The following NRG1 variants were observed in gnomAD, a reference collection of about 807,000 sequenced individuals.
The protein encoded by NRG1 is neuregulin 1, also known as pro-neuregulin-1, membrane-bound isoform.
A neutral mutation model predicts 63.8 loss-of-function variants in NRG1; 18 were observed. The ratio of observed to expected loss-of-function variants is 0.28; its 90% CI spans 0.19 to 0.42. The LOEUF (loss-of-function observed/expected upper bound fraction) is 0.42, where lower values mean the gene tolerates loss of function less well. Ranked by LOEUF, NRG1 falls within the 10% of genes least tolerant of loss-of-function variation. NRG1 has a pLI of 1.00. For synonymous variants in NRG1, 302 were observed against 301.3 expected, an observed-to-expected ratio of 1.00 and a Z score of -0.02; for missense variants, 762 against 814.7, an observed-to-expected ratio of 0.94 and a Z score of 0.79.
intron 7 of NRG1, among the ~76,000 whole-genome samples, chr8:32,748,358 C>CACACACAGAGAGAGAGAGAGAGAGAG (rs748763782): frequency 8.2e-6 from 1 of 121,962 alleles, no homozygotes. Flanking sequence ...CACACACACA[C>CACACACAGAGAGAGAGAGAGAGAGAG]AGAGAGAGAG....
In NRG1 at chr8:32,071,380, G is replaced by A. The variant is rs139002751; in HGVS notation, c.37+431949G>A. Among the ~76,000 whole-genome samples the A allele has an allele frequency of 3.3e-5, 5 of 152,294 alleles. No individual in the cohort carries two copies. The East Asian group carries it at 7.7e-4, about 24-fold the overall frequency. ...TTAAAGATTAGCACTTGGTTTATAT[G>A]TGAATGAACTTTCAAAATTAGACAC... On this transcript the variant is annotated intron_variant, in intron 1 of 10. Transcript: ENST00000519301.
chr8:31,698,672 G>A (rs574160722), intron 1 of NRG1, among the ~76,000 whole-genome samples: 3 of 152,230 alleles, frequency 2.0e-5, no homozygotes, highest in African/African-American at 7.2e-5. Context: ...GTCTTTGTCT[G>A]CTTTAGTTGA....
intron 1 of NRG1, among the ~76,000 whole-genome samples, chr8:32,573,822 T>TCC (rs1316590420): frequency 1.3e-5 from 2 of 151,900 alleles, no homozygotes; most frequent in South Asian, 2.1e-4. Flanking sequence ...CCCACAACAG[T>TCC]CCCCGGTATG....
intron 1 of NRG1, among the ~76,000 whole-genome samples, chr8:31,975,745 T>C (rs2129629789): frequency 6.6e-6 from 1 of 152,284 alleles, no homozygotes; most frequent in South Asian, 2.1e-4. Flanking sequence ...TGTATGAGGA[T>C]ACCTCTGTGT....
At chr8:32,199,815 T>A (rs1416391362) in intron 1 of NRG1, among the ~76,000 whole-genome samples, 1 of 152,206 alleles carries the variant, frequency 6.6e-6, no homozygotes, top group East Asian at 1.9e-4. Context: ...GTTTCACTCT[T>A]TTTGCCCATG....
chr8:32,216,849 CT>C (rs1163364545), intron 1 of NRG1, among the ~76,000 whole-genome samples: 1 of 151,854 alleles, frequency 6.6e-6, no homozygotes, highest in African/African-American at 2.4e-5. Flanking sequence ...AAATAATTAC[CT>C]TCCCAAACCA....
At chr8:32,310,993 T>G (rs1344230040) in intron 1 of NRG1, among the ~76,000 whole-genome samples, 1 of 152,208 alleles carries the variant, frequency 6.6e-6, no homozygotes. Context: ...ATGGTCTTCC[T>G]AAATACCTCT....
At chr8:32,133,587 G>A (rs1173637911) in intron 1 of NRG1, among the ~76,000 whole-genome samples, 2 of 152,124 alleles carry the variant, frequency 1.3e-5, no homozygotes, top group Non-Finnish European at 2.9e-5. Flanking sequence ...GATAATAATA[G>A]ACATTCATGA....
intron 1 of NRG1, among the ~76,000 whole-genome samples, chr8:32,212,339 G>T (rs534808270): frequency 6.6e-6 from 1 of 152,168 alleles, no homozygotes; most frequent in Admixed American, 6.5e-5. Flanking sequence ...TTAAATTTTT[G>T]CAACTCCATG....
chr8:32,276,468 G>T (rs1053218395), intron 1 of NRG1, among the ~76,000 whole-genome samples: 1 of 152,046 alleles, frequency 6.6e-6, no homozygotes, highest in African/African-American at 2.4e-5. Context: ...TTAGATTAAA[G>T]GTACTCTGCT....
In NRG1 at chr8:32,590,697, C is replaced by G. The variant is rs139484605; in HGVS notation, c.101-5131C>G. 5.9e-5 allele frequency among the ~76,000 whole-genome samples: 9 copies of G among 152,096 alleles called. No homozygotes were observed. In the East Asian group the frequency reaches 1.7e-3, roughly 29 times the overall value. Reference sequence around the variant, plus strand: ...AATGATATTGTTTCATGTGAGTAAACCATATGCCTGAGAAACACGTGTACA... The same window carrying G: ...AATGATATTGTTTCATGTGAGTAAAGCATATGCCTGAGAAACACGTGTACA... On this transcript the variant is annotated intron_variant, in intron 1 of 11. Transcript: ENST00000356819.
At chr8:32,191,745 T>C (rs1414739190) in intron 1 of NRG1, among the ~76,000 whole-genome samples, 2 of 152,182 alleles carry the variant, frequency 1.3e-5, no homozygotes, top group Non-Finnish European at 2.9e-5. Context: ...TTACCCTTTC[T>C]GTTGCACACT....
In NRG1 at chr8:32,371,809, T is replaced by C. The variant is rs182890530; in HGVS notation, c.38-224019T>C. 3.2e-3 allele frequency among the ~76,000 whole-genome samples: 492 copies of C among 152,236 alleles called. 6 individuals carry two copies. The highest frequency in any genetic ancestry group is 0.011 in the African/African-American group (472 of 41,534). The stretch of plus-strand genomic sequence containing the variant: ...AACATTAGGACCTGGTCTGAGTTCA[T>C]TGTGGAGCTTCCCCAGCCCGCTCAG... On this transcript the variant is annotated intron_variant, in intron 1 of 10. Transcript: ENST00000519301.
At position 32,647,307 on chromosome 8, in the gene NRG1, T is replaced by G. The variant is rs1049990976; in HGVS notation, c.502+30422T>G. 4 of 985,294 alleles carry G rather than the reference T, an allele frequency of 4.1e-6. No individual in the cohort carries two copies. The African/African-American group carries it at 7.0e-5, about 17-fold the overall frequency. The allele number at this position is 985,294 out of a possible 1,614,324, so 61.0% of individuals were successfully genotyped here. On this transcript the variant is annotated intron_variant, in intron 5 of 11. Coordinates refer to ENST00000356819, the Ensembl canonical transcript of NRG1. ...GCTTTTACTTCTCCTGCATGACAGT[T>G]GTTTTCTTCATCTGAGCAGACACCA...
At chr8:32,009,646 G>A (rs1814410535) in intron 1 of NRG1, among the ~76,000 whole-genome samples, 3 of 151,996 alleles carry the variant, frequency 2.0e-5, no homozygotes, top group African/African-American at 4.8e-5. Context: ...GAGCAAAATC[G>A]TGAAGGTGAA....
chr8:32,457,149 T>G (rs946719403), intron 1 of NRG1, among the ~76,000 whole-genome samples: 1 of 151,768 alleles, frequency 6.6e-6, no homozygotes, highest in South Asian at 2.1e-4. Context: ...AATAAATAAA[T>G]AAATAAATTA....
At chr8:32,704,694 A>G (rs1815885160) in intron 5 of NRG1, among the ~76,000 whole-genome samples, 1 of 152,242 alleles carries the variant, frequency 6.6e-6, no homozygotes. Context: ...CTTTATTGCC[A>G]CTACTGTCAT....
chr8:31,817,334 A>G (rs1383870645), intron 1 of NRG1, among the ~76,000 whole-genome samples: 1 of 152,202 alleles, frequency 6.6e-6, no homozygotes, highest in African/African-American at 2.4e-5. Flanking sequence ...TTAGACATCA[A>G]TAGGGATGGA....
intron 1 of NRG1, among the ~76,000 whole-genome samples, chr8:32,488,152 T>G (rs2129494285): frequency 6.6e-6 from 1 of 152,348 alleles, no homozygotes; most frequent in Middle Eastern, 3.4e-3. Flanking sequence ...CTAGTAGGAC[T>G]GATGGAGTCT....
Sources: allele counts gnomAD v4.1 joint callset (sites outside exome capture counted in the v4.1 genomes callset), GRCh38; gene constraint gnomAD v4.1.1; transcripts MANE v1.5; gene names NCBI Gene and HGNC (gene_info 2026-07-23, HGNC 2026-07-21).